The following EYS variants were observed in gnomAD, a reference collection of about 807,000 sequenced individuals.
EYS encodes protein eyes shut homolog.
A neutral mutation model predicts 282.1 loss-of-function variants in EYS; 250 were observed. That is an observed-to-expected ratio of 0.89 (90% CI 0.80 to 0.98). The LOEUF (loss-of-function observed/expected upper bound fraction) is 0.98. Among genes scored for constraint, EYS ranks in the 50% least tolerant of loss-of-function variants. The probability of loss-of-function intolerance (pLI) is 0.00; values close to 1 mark genes in which losing one functional copy is unlikely to be tolerated. For synonymous variants in EYS, 1,355 were observed against 1,282.9 expected, an observed-to-expected ratio of 1.06 and a Z score of -1.20; for missense variants, 4,016 against 3,709.0, an observed-to-expected ratio of 1.08 and a Z score of -2.15.
chr6:63,959,360 C>G (rs1010419253), intron 35 of EYS, among the ~76,000 whole-genome samples: 1 of 152,082 alleles, frequency 6.6e-6, no homozygotes, highest in Non-Finnish European at 1.5e-5. Flanking sequence ...AGTCAAGAAA[C>G]AATAGATGCT....
chr6:64,458,653 A>ATATTT (rs1775639670), intron 26 of EYS, among the ~76,000 whole-genome samples: 1 of 151,556 alleles, frequency 6.6e-6, no homozygotes, highest in African/African-American at 2.4e-5. Context: ...ATCTTTCAAT[A>ATATTT]GTCTTATTTG....
In EYS at chr6:65,432,442, C is replaced by T. The variant is rs181918275; in HGVS notation, c.863-27075G>A. On this transcript the variant is annotated intron_variant, in intron 5 of 42. Transcript: ENST00000503581. Reference sequence around the variant, plus strand: ...TAATTTATAATAATTTAGATGCAGACGAGTATTACGAAAAAAATGAAACAA... The same window carrying T: ...TAATTTATAATAATTTAGATGCAGATGAGTATTACGAAAAAAATGAAACAA... Among the ~76,000 whole-genome samples, 14 of 151,858 alleles carry T rather than the reference C, an allele frequency of 9.2e-5. 1 individual carries two copies. The highest frequency in any genetic ancestry group is 4.2e-4 in the South Asian group (2 of 4,802).
chr6:65,221,070 T>G (rs1766451297), intron 12 of EYS, among the ~76,000 whole-genome samples: 1 of 152,176 alleles, frequency 6.6e-6, no homozygotes, highest in Non-Finnish European at 1.5e-5. Context: ...ATTTTATGTA[T>G]TCACAAAGAT....
chr6:64,593,239 C>A lies in EYS; in HGVS notation c.3755G>T (p.Arg1252Ile). 1.3e-6 allele frequency: 2 copies of A among 1,550,574 alleles called. No homozygotes were observed. Among genetic ancestry groups the A allele is most frequent in the South Asian group, 2.4e-5 (2 of 83,980 alleles). The change falls in exon 25 of 43, where the codon AGA becomes ATA. Residue 1252 changes from arginine to isoleucine, a missense_variant. Transcript: ENST00000503581. ...RITCLTPIFQ[R>I]TDPISTQTYT... ...TGTCTGTGTGGAAATGGGATCTGTT[C>A]TTTGAAAGATGGGAGTTAAACAGGT...
intron 12 of EYS, among the ~76,000 whole-genome samples, chr6:65,083,937 A>G (rs1001111134): frequency 6.6e-6 from 1 of 151,750 alleles, no homozygotes; most frequent in Non-Finnish European, 1.5e-5. Context: ...TCAGATATAA[A>G]TGTTCATATG....
chr6:64,759,000 G>C (rs146396841), intron 22 of EYS, among the ~76,000 whole-genome samples: 1 of 152,018 alleles, frequency 6.6e-6, no homozygotes, highest in Non-Finnish European at 1.5e-5. Context: ...TTAACCAGAC[G>C]TGATGGCGGG....
At chr6:63,836,847 T>C (rs1371299838) in intron 36 of EYS, among the ~76,000 whole-genome samples, 1 of 152,068 alleles carries the variant, frequency 6.6e-6, no homozygotes, top group Non-Finnish European at 1.5e-5. Context: ...AGTAGTCTGC[T>C]AACACAGATG....
chr6:65,390,849 A>C (rs915012572), intron 7 of EYS, among the ~76,000 whole-genome samples: 4 of 152,060 alleles, frequency 2.6e-5, no homozygotes, highest in African/African-American at 9.7e-5. Context: ...ACAACACTAC[A>C]TGCCAGCCTG....
intron 35 of EYS, among the ~76,000 whole-genome samples, chr6:63,972,803 T>G (rs1438553574): frequency 1.3e-5 from 2 of 152,156 alleles, no homozygotes; most frequent in African/African-American, 2.4e-5. Flanking sequence ...TGGTTTTCTG[T>G]TCTGTGTTAG....
intron 26 of EYS, among the ~76,000 whole-genome samples, chr6:64,483,183 T>C (rs1038026726): frequency 9.2e-5 from 14 of 151,708 alleles, no homozygotes; most frequent in African/African-American, 3.4e-4. Context: ...TGAAAAGCCA[T>C]GGACAATATG....
At chr6:65,598,286 G>C (rs558113286) in intron 2 of EYS, among the ~76,000 whole-genome samples, 269 of 122,668 alleles carry the variant, frequency 2.2e-3, no homozygotes, top group African/African-American at 8.4e-3. Context: ...CTGGTATTTA[G>C]TACTTCCTTC....
intron 2 of EYS, among the ~76,000 whole-genome samples, chr6:65,555,916 T>A (rs1348082860): frequency 6.6e-6 from 1 of 152,206 alleles, no homozygotes; most frequent in African/African-American, 2.4e-5. Context: ...TTGGAGTCAA[T>A]CAAATATATA....
intron 31 of EYS, among the ~76,000 whole-genome samples, chr6:64,136,513 A>C (rs1017882133): frequency 2.0e-5 from 3 of 152,108 alleles, no homozygotes; most frequent in African/African-American, 7.2e-5. Flanking sequence ...AACCTTACAA[A>C]ATGTATTTCT....
intron 39 of EYS, chr6:63,787,017 A>G (rs1478025143): frequency 6.6e-6 from 1 of 152,060 alleles, no homozygotes; most frequent in Admixed American, 6.6e-5. Flanking sequence ...GATCCAAGAG[A>G]AGAATGATAA....
intron 31 of EYS, among the ~76,000 whole-genome samples, chr6:64,104,223 T>C (rs1772928217): frequency 6.6e-6 from 1 of 152,112 alleles, no homozygotes. Flanking sequence ...GATGCATTTT[T>C]TGAATTGCTA....
chr6:65,283,679 C>T (rs1011553388), intron 12 of EYS, among the ~76,000 whole-genome samples: 2 of 151,754 alleles, frequency 1.3e-5, no homozygotes, highest in African/African-American at 2.4e-5. Context: ...TTCATTTTTA[C>T]GGTGGTCTCA....
intron 7 of EYS, among the ~76,000 whole-genome samples, chr6:65,393,405 C>G (rs1032727004): frequency 1.3e-5 from 2 of 152,044 alleles, no homozygotes; most frequent in Non-Finnish European, 2.9e-5. Flanking sequence ...ATAATTAACT[C>G]CAAAAGATTA....
chr6:64,781,110 A>T (rs1027248019), intron 22 of EYS, among the ~76,000 whole-genome samples: 2 of 152,182 alleles, frequency 1.3e-5, no homozygotes, highest in Non-Finnish European at 2.9e-5. Flanking sequence ...TTACCAGGAG[A>T]GGATAGGAAG....
intron 12 of EYS, among the ~76,000 whole-genome samples, chr6:65,118,868 G>T (rs1554155586): frequency 7.1e-6 from 1 of 141,128 alleles, no homozygotes; most frequent in Non-Finnish European, 1.5e-5. Flanking sequence ...AGTTTCACAG[G>T]TTCTTTAAGG....
Sources: allele counts gnomAD v4.1 joint callset (sites outside exome capture counted in the v4.1 genomes callset), GRCh38; gene constraint gnomAD v4.1.1; transcripts MANE v1.5; gene names NCBI Gene and HGNC (gene_info 2026-07-23, HGNC 2026-07-21).